The following ACADL variants were observed in gnomAD, a reference collection of about 807,000 sequenced individuals.
ACADL encodes the protein acyl-CoA dehydrogenase long chain, also known as long-chain specific acyl-CoA dehydrogenase, mitochondrial.
A neutral mutation model predicts 56.9 loss-of-function variants in ACADL; 60 were observed. That is an observed-to-expected ratio of 1.05 (90% CI 0.86 to 1.31). The LOEUF (loss-of-function observed/expected upper bound fraction) is 1.31, where lower values mean the gene tolerates loss of function less well. Among genes scored for constraint, ACADL ranks in the 50% most tolerant of loss-of-function variants. ACADL has a pLI of 0.00. For missense variants in ACADL, 484 were observed against 525.5 expected (o/e 0.92, Z 0.77); for synonymous variants, 158 against 179.7 (o/e 0.88, Z 0.97).
chr2:210,214,517 G>GAAAGAAAGAAAGAA (rs1689047429), intron 4 of ACADL, among the ~76,000 whole-genome samples: 1 of 150,282 alleles, frequency 6.7e-6, no homozygotes, highest in Non-Finnish European at 1.5e-5. Context: ...GAAAAAGAAA[G>GAAAGAAAGAAAGAA]AAAGAAAGAA....
rs748988075 is a variant in ACADL, at chr2:210,220,700, G to C, written c.180C>G (p.Phe60Leu). 4.6e-5 allele frequency: 74 copies of C among 1,613,402 alleles called. No homozygotes were observed. In the Admixed American group the frequency reaches 1.1e-3, roughly 23 times the overall value. Residue 60 changes from phenylalanine (F) to leucine (L), a missense_variant, in exon 2 of 11, where the codon TTC becomes TTG. Physicochemically the swap from Phe to Leu is conservative, Grantham distance 22. Coordinates refer to ENST00000233710, the MANE Select transcript of ACADL (RefSeq NM_001608.4). ...RRIFSPEHDIFRKSVRKFFQE... is the reference protein window; with the variant it reads ...RRIFSPEHDILRKSVRKFFQE... ...GGAAAAACTTCCTTACACTTTTCCG[G>C]AAAATGTCATGCTCTGGAGAAAAGA...
chr2:210,199,927 T>C lies in ACADL; in HGVS notation c.984+3404A>G, dbSNP rs573627021. Among the ~76,000 whole-genome samples the C allele has an allele frequency of 2.6e-5, 4 of 152,212 alleles. No homozygotes were observed. The South Asian group carries it at 6.2e-4, about 24-fold the overall frequency. On this transcript the variant is annotated intron_variant, in intron 8 of 10. Coordinates refer to ENST00000233710, the MANE Select transcript of ACADL (RefSeq NM_001608.4). ...ACCTGGCTAATTTTTGTATTTTTTG[T>C]AGAGATGAGGTTTTGCCACGTTGTC... is the stretch of plus-strand genomic sequence containing the variant.
chr2:210,199,174 A>G (rs543033838), intron 8 of ACADL, among the ~76,000 whole-genome samples: 1 of 152,304 alleles, frequency 6.6e-6, no homozygotes, highest in Non-Finnish European at 1.5e-5. Context: ...ATAGGTATGT[A>G]CAGTATCGGT....
intron 5 of ACADL, among the ~76,000 whole-genome samples, chr2:210,206,028 T>G (rs1425238313): frequency 6.6e-6 from 1 of 152,170 alleles, no homozygotes; most frequent in African/African-American, 2.4e-5. Flanking sequence ...GATTTTCTTT[T>G]CACTATTAAT....
chr2:210,217,481 G>A (rs1260525943), intron 3 of ACADL: 1 of 160,280 alleles, frequency 6.2e-6, no homozygotes, highest in East Asian at 1.8e-4. Flanking sequence ...TTCCAGATCA[G>A]TTTAATTTGC....
chr2:210,220,008 A>G lies in ACADL; in HGVS notation c.233+639T>C, dbSNP rs539185090. On this transcript the variant is annotated intron_variant, in intron 2 of 10. Transcript: ENST00000233710. The stretch of plus-strand genomic sequence containing the variant: ...GAACCATTTCTCTCTTCATTTTACT[A>G]ATCTTCTAATTTCTGCTTCTAACAT... Among the ~76,000 whole-genome samples, 11 of 152,200 alleles carry G rather than the reference A, an allele frequency of 7.2e-5. No individual in the cohort carries two copies. The South Asian group carries it at 2.3e-3, about 32-fold the overall frequency.
intron 7 of ACADL, 78 bp downstream of exon 7, chr2:210,204,503 T>A: frequency 8.9e-7 from 1 of 1,118,524 alleles, no homozygotes; most frequent in Non-Finnish European, 1.3e-6. Flanking sequence ...ATGCATAATA[T>A]AGAAATAACA....
At chr2:210,224,610 A>G in intron 1 of ACADL, 2 of 985,470 alleles carry the variant, frequency 2.0e-6, no homozygotes, top group Non-Finnish European at 2.4e-6. Flanking sequence ...ATTTGTTGAT[A>G]TATCTAAAGC....
intron 5 of ACADL, among the ~76,000 whole-genome samples, chr2:210,206,543 A>G (rs956194496): frequency 6.6e-6 from 1 of 152,170 alleles, no homozygotes; most frequent in South Asian, 2.1e-4. Flanking sequence ...ACTATTTTTG[A>G]TTTTTGTAAT....
At chr2:210,202,281 C>G (rs1688806012) in intron 8 of ACADL, among the ~76,000 whole-genome samples, 2 of 151,956 alleles carry the variant, frequency 1.3e-5, no homozygotes, top group Admixed American at 1.3e-4. Flanking sequence ...TTAGTAGAGA[C>G]AGGGTTTCAC....
At chr2:210,223,865 T>C (rs1005926789) in intron 1 of ACADL, among the ~76,000 whole-genome samples, 3 of 152,216 alleles carry the variant, frequency 2.0e-5, no homozygotes, top group African/African-American at 7.2e-5. Flanking sequence ...TTCTCAGTTA[T>C]GTAGATACCT....
At chr2:210,207,561 G>A (rs1489222510) in intron 5 of ACADL, among the ~76,000 whole-genome samples, 4 of 152,140 alleles carry the variant, frequency 2.6e-5, no homozygotes, top group African/African-American at 9.7e-5. Context: ...TTAGACATCA[G>A]ATTGGCCAAA....
chr2:210,204,123 G>A (rs1003061760), intron 7 of ACADL, among the ~76,000 whole-genome samples: 4 of 152,180 alleles, frequency 2.6e-5, no homozygotes, highest in African/African-American at 9.6e-5. Context: ...ATAATCACTT[G>A]TCAACCATAC....
chr2:210,190,091 CAAATT>C (rs1446651827), intron 10 of ACADL, among the ~76,000 whole-genome samples: 1 of 151,652 alleles, frequency 6.6e-6, no homozygotes, highest in East Asian at 1.9e-4. Context: ...ATTTTTAAGA[CAAATT>C]AAATGTGCCA....
chr2:210,188,853 G>T lies in ACADL; in HGVS notation c.*108C>A. On this transcript the variant is annotated 3_prime_UTR_variant, in exon 11 of 11. Coordinates refer to ENST00000233710, the MANE Select transcript of ACADL (RefSeq NM_001608.4). ...TTTTATTTCCTTCTCTATAGAGAGA[G>T]CAGGTAAAAACATGTTTAGTGTTTC... The T allele has an allele frequency of 1.3e-6, 1 of 790,682 alleles. No homozygotes were observed. Among genetic ancestry groups the T allele is most frequent in the Non-Finnish European group, 2.3e-6 (1 of 440,640 alleles). The allele number at this position is 790,682 out of a possible 1,614,324, so 49.0% of individuals were successfully genotyped here. A position where few individuals can be genotyped will look rare whatever the true frequency, so the allele number is the denominator to read the frequency against.
chr2:210,204,088 C>T (rs759677931), intron 7 of ACADL, among the ~76,000 whole-genome samples: 1 of 152,130 alleles, frequency 6.6e-6, no homozygotes, highest in Non-Finnish European at 1.5e-5. Flanking sequence ...CAGGAGTACC[C>T]CCTTACACTG....
In ACADL at chr2:210,205,665, T is replaced by C; in HGVS notation, c.735A>G (p.Gly245=). Residue 245 remains glycine (G), a synonymous_variant, in exon 6 of 11, where the codon GGA becomes GGG. Transcript: ENST00000233710. ...TTAATCCCATTTTATGTAGCTTTCG[T>C]CCCTTGATAAATCCTTTCATTCCAT... is the stretch of plus-strand genomic sequence containing the variant. The part of the protein sequence containing the change: ...VENGMKGFIK[G]RKLHKMGLKA... The C allele has an allele frequency of 2.5e-6, 4 of 1,613,954 alleles. No individual in the cohort carries two copies. Among genetic ancestry groups the C allele is most frequent in the Non-Finnish European group, 3.4e-6 (4 of 1,179,930 alleles).
At chr2:210,200,027 G>A (rs905775214) in intron 8 of ACADL, among the ~76,000 whole-genome samples, 5 of 152,166 alleles carry the variant, frequency 3.3e-5, no homozygotes, top group African/African-American at 1.2e-4. Flanking sequence ...TTACAGGTGT[G>A]AGCCACTATG....
At chr2:210,195,083 G>T (rs1275752204) in intron 9 of ACADL, 128 bp downstream of exon 9, 12 of 1,193,864 alleles carry the variant, frequency 1.0e-5, no homozygotes, top group Non-Finnish European at 1.3e-5. Context: ...TTTTTAAAGT[G>T]GAGTCTCACT....
Sources: allele counts gnomAD v4.1 joint callset (sites outside exome capture counted in the v4.1 genomes callset), GRCh38; gene constraint gnomAD v4.1.1; transcripts MANE v1.5; gene names NCBI Gene and HGNC (gene_info 2026-07-23, HGNC 2026-07-21).